TTC3: variants seen among roughly 807,000 people sequenced by gnomAD.
The protein encoded by TTC3 is E3 ubiquitin-protein ligase TTC3.
TTC3 carries 180 observed loss-of-function variants against 249.6 expected under a neutral mutation model. The observed-to-expected ratio is 0.72, with a 90% confidence interval of 0.64 to 0.82. The LOEUF is 0.82. TTC3 is among the 40% of genes least tolerant of loss of function. The probability of loss-of-function intolerance (pLI) is 0.00; values close to 1 mark genes in which losing one functional copy is unlikely to be tolerated. For synonymous variants in TTC3, 717 were observed against 805.0 expected, an observed-to-expected ratio of 0.89 and a Z score of 1.85; for missense variants, 2,061 against 2,398.4, an observed-to-expected ratio of 0.86 and a Z score of 2.94.
exon 46 of TTC3, chr21:37,201,675 T>C: frequency 6.9e-7 from 1 of 1,450,298 alleles, no homozygotes; most frequent in Non-Finnish European, 9.3e-7. Flanking sequence ...CCCTTGTGCA[T>C]TGTGTGTCAC....
chr21:37,128,622 G>T (rs1379337360), intron 15 of TTC3, among the ~76,000 whole-genome samples: 1 of 152,062 alleles, frequency 6.6e-6, no homozygotes, highest in African/African-American at 2.4e-5. Context: ...TACTGACTAT[G>T]CAATTTATAT....
intron 25 of TTC3, among the ~76,000 whole-genome samples, chr21:37,151,613 T>G (rs903371081): frequency 6.6e-6 from 1 of 152,188 alleles, no homozygotes; most frequent in Non-Finnish European, 1.5e-5. Flanking sequence ...ATTTGTACTA[T>G]TTCTGTTTAC....
chr21:37,126,999 C>T (rs1239432677), intron 15 of TTC3, among the ~76,000 whole-genome samples: 1 of 152,114 alleles, frequency 6.6e-6, no homozygotes, highest in African/African-American at 2.4e-5. Context: ...GGATTACAGG[C>T]ATGCACTACC....
chr21:37,124,029 GTGAGCCACTGTGCCCAGCC>G (rs1044685367), intron 13 of TTC3, among the ~76,000 whole-genome samples: 8 of 151,160 alleles, frequency 5.3e-5, no homozygotes, highest in South Asian at 2.1e-4. Flanking sequence ...GATTACAGGA[GTGAGCCACTGTGCCCAGCC>G]TGAGCCACTG....
Position 37,195,917 on chromosome 21 carries a change from T to A in TTC3, c.5460T>A (p.Pro1820=). 1.9e-6 allele frequency: 3 copies of A among 1,614,240 alleles called. No individual in the cohort carries two copies. The South Asian group carries it at 3.3e-5, about 18-fold the overall frequency. Residue 1820 remains proline (P), a synonymous_variant, in exon 42 of 46, where the codon CCT becomes CCA. Transcript: ENST00000355666. ...AGGCAGCTCTGTCAGAACGAAGCCC[T>A]GTGGCTGATCGGAAGCAGCCTGTTC...
intron 1 of TTC3, chr21:37,082,635 G>A (rs2071854381): frequency 1.0e-6 from 1 of 985,290 alleles, no homozygotes; most frequent in African/African-American, 1.7e-5. Context: ...TCTAGCTCAA[G>A]GTTTGTTGCT....
At chr21:37,160,934 G>T in intron 30 of TTC3, 76 bp downstream of exon 30, 5 of 1,376,658 alleles carry the variant, frequency 3.6e-6, no homozygotes, top group Non-Finnish European at 5.0e-6. Flanking sequence ...TTAGAATTGA[G>T]CAATTCTTGG....
At chr21:37,154,691 T>G (rs961735247) in intron 27 of TTC3, among the ~76,000 whole-genome samples, 1 of 149,686 alleles carries the variant, frequency 6.7e-6, no homozygotes. Flanking sequence ...ATGTGTTTTT[T>G]TTGTTTGTTT....
chr21:37,124,261 A>G (rs957598824), intron 13 of TTC3, among the ~76,000 whole-genome samples: 1 of 151,610 alleles, frequency 6.6e-6, no homozygotes, highest in African/African-American at 2.4e-5. Context: ...GATTACAGGC[A>G]CATGCCACCA....
intron 44 of TTC3, among the ~76,000 whole-genome samples, chr21:37,198,965 C>T (rs1299100365): frequency 6.6e-6 from 1 of 151,952 alleles, no homozygotes; most frequent in Non-Finnish European, 1.5e-5. Flanking sequence ...TCAAACTAAA[C>T]CTGGCTCCGA....
In TTC3 at chr21:37,144,399, AAT is replaced by A. The variant is rs1601758675; in HGVS notation, c.1773-123_1773-122del. 7.0e-6 allele frequency: 8 copies of A among 1,148,434 alleles called. No homozygotes were observed. The East Asian group carries it at 1.8e-4, about 25-fold the overall frequency. 71.1% of individuals were successfully genotyped at this position (1,148,434 alleles called of 1,614,324 possible). A position where few individuals can be genotyped will look rare whatever the true frequency, so the allele number is the denominator to read the frequency against. ...TTTAAAGAAAATTTAGGTTACATTG[AAT>A]ATTGCTGTTCAGTGATTCATCAAAT... On this transcript the variant is annotated intron_variant, in intron 20 of 45. Coordinates refer to ENST00000355666, the Ensembl canonical transcript of TTC3.
chr21:37,097,856 A>ACT, intron 10 of TTC3: 2 of 637,454 alleles, frequency 3.1e-6, no homozygotes, highest in Middle Eastern at 2.6e-4. Context: ...AAGGTAGTAA[A>ACT]CTCTAAGCAT....
At chr21:37,111,119 A>G (rs927443604) in intron 11 of TTC3, among the ~76,000 whole-genome samples, 1 of 152,200 alleles carries the variant, frequency 6.6e-6, no homozygotes, top group Non-Finnish European at 1.5e-5. Context: ...TGTAAAGACC[A>G]TCAAGGCTAG....
chr21:37,192,339 A>C (rs8132364), intron 41 of TTC3, 126 bp downstream of exon 41: 7,123 of 600,632 alleles, frequency 0.012, 78 homozygotes, highest in East Asian at 0.021. Context: ...TTAATGTTTC[A>C]TTATTGGTGC....
intron 42 of TTC3, among the ~76,000 whole-genome samples, chr21:37,197,150 G>A (rs933074881): frequency 2.6e-5 from 4 of 152,224 alleles, no homozygotes; most frequent in African/African-American, 9.6e-5. Context: ...ATTGAAATTT[G>A]TAAACAATGG....
At chr21:37,177,121 G>T (rs1004739193) in intron 35 of TTC3, among the ~76,000 whole-genome samples, 1 of 152,036 alleles carries the variant, frequency 6.6e-6, no homozygotes, top group Non-Finnish European at 1.5e-5. Flanking sequence ...TACATATCTG[G>T]GTTCAGCTGG....
At chr21:37,197,445 A>G in intron 42 of TTC3, 125 bp from the exon 43 acceptor site, 3 of 1,166,368 alleles carry the variant, frequency 2.6e-6, no homozygotes, top group Non-Finnish European at 3.8e-6. Flanking sequence ...AGTGGTCTTC[A>G]GATTAATTTT....
chr21:37,122,881 T>G, intron 12 of TTC3, 102 bp from the exon 13 acceptor site: 1 of 1,096,406 alleles, frequency 9.1e-7, no homozygotes, highest in Non-Finnish European at 1.2e-6. Context: ...TTTCTAAATT[T>G]GAGGTCCTTA....
chr21:37,112,574 G>A (rs142033622), intron 11 of TTC3, among the ~76,000 whole-genome samples: 118 of 152,148 alleles, frequency 7.8e-4, no homozygotes, highest in East Asian at 3.9e-3. Flanking sequence ...AAAAAAGTCC[G>A]GAACCAGATG....
Sources: gnomAD v4.1 joint callset for allele counts (sites outside exome capture counted in the v4.1 genomes callset) on GRCh38, gnomAD v4.1.1 for gene constraint, MANE v1.5 for transcripts, NCBI Gene and HGNC (gene_info 2026-07-23, HGNC 2026-07-21) for gene names.